The following PLCB1 variants were observed in gnomAD, a reference collection of about 807,000 sequenced individuals.
PLCB1 encodes 1-phosphatidylinositol 4,5-bisphosphate phosphodiesterase beta-1.
PLCB1 carries 46 observed loss-of-function variants against 161.8 expected under a neutral mutation model. That is an observed-to-expected ratio of 0.28 (90% CI 0.22 to 0.36). The LOEUF (loss-of-function observed/expected upper bound fraction) is 0.36, where lower values mean the gene tolerates loss of function less well. PLCB1 is among the 10% of genes least tolerant of loss of function. PLCB1 has a pLI of 1.00. For synonymous variants in PLCB1, 517 were observed against 503.7 expected (o/e 1.03, Z -0.35); for missense variants, 1,016 against 1,472.5 (o/e 0.69, Z 5.07).
chr20:8,330,381 G>T (rs1232579819), intron 2 of PLCB1, among the ~76,000 whole-genome samples: 1 of 152,178 alleles, frequency 6.6e-6, no homozygotes, highest in Admixed American at 6.5e-5. Flanking sequence ...CAGTCAGATT[G>T]CATATAAACA....
chr20:8,260,579 G>A (rs1193374540), intron 2 of PLCB1, among the ~76,000 whole-genome samples: 1 of 152,050 alleles, frequency 6.6e-6, no homozygotes, highest in Non-Finnish European at 1.5e-5. Flanking sequence ...CAGTGTGGGA[G>A]TATTCTTAGA....
chr20:8,569,107 C>T (rs1986427632), intron 3 of PLCB1, among the ~76,000 whole-genome samples: 1 of 152,218 alleles, frequency 6.6e-6, no homozygotes, highest in South Asian at 2.1e-4. Flanking sequence ...TTTCATTCAA[C>T]CACTGCTGCT....
At chr20:8,313,348 T>C (rs1362372501) in intron 2 of PLCB1, among the ~76,000 whole-genome samples, 1 of 152,164 alleles carries the variant, frequency 6.6e-6, no homozygotes, top group Non-Finnish European at 1.5e-5. Context: ...ACAATGAAGC[T>C]ACATGGTTCT....
At chr20:8,723,027 A>T (rs1979734284) in intron 15 of PLCB1, among the ~76,000 whole-genome samples, 1 of 152,134 alleles carries the variant, frequency 6.6e-6, no homozygotes, top group Admixed American at 6.6e-5. Context: ...TCTCTTTAAA[A>T]ATACGTATTT....
At chr20:8,136,069 C>T (rs1383782429) in intron 1 of PLCB1, among the ~76,000 whole-genome samples, 1 of 152,184 alleles carries the variant, frequency 6.6e-6, no homozygotes, top group Non-Finnish European at 1.5e-5. Context: ...CCTAAGCACT[C>T]TGTCTCACTG....
intron 31 of PLCB1, among the ~76,000 whole-genome samples, chr20:8,866,652 C>T (rs1220848144): frequency 1.3e-5 from 2 of 152,084 alleles, no homozygotes; most frequent in African/African-American, 2.4e-5. Context: ...GTTAGAAGAA[C>T]GGGTGTCTGC....
intron 3 of PLCB1, among the ~76,000 whole-genome samples, chr20:8,542,908 A>G (rs1327971261): frequency 6.6e-6 from 1 of 152,120 alleles, no homozygotes; most frequent in Admixed American, 6.5e-5. Flanking sequence ...AAAGTCATTC[A>G]CTCATGTATT....
chr20:8,629,887 T>C (rs199838091), intron 4 of PLCB1, among the ~76,000 whole-genome samples: 10,833 of 115,448 alleles, frequency 0.094, 422 homozygotes, highest in Non-Finnish European at 0.099. Flanking sequence ...CTCTCTCTCT[T>C]TCTTTTCTTT....
intron 2 of PLCB1, among the ~76,000 whole-genome samples, chr20:8,347,441 G>A (rs1000815686): frequency 6.6e-6 from 1 of 152,124 alleles, no homozygotes; most frequent in East Asian, 1.9e-4. Flanking sequence ...CAAACCAGAA[G>A]GCAGAAAAGG....
chr20:8,648,930 GACCCTGTCTCTAA>G (rs1283240732), intron 6 of PLCB1, among the ~76,000 whole-genome samples: 1 of 141,106 alleles, frequency 7.1e-6, no homozygotes, highest in East Asian at 2.0e-4. Flanking sequence ...AACAATGTGA[GACCCTGTCTCTAA>G]AAAAAAAAAA....
At chr20:8,264,814 G>A (rs897673698) in intron 2 of PLCB1, among the ~76,000 whole-genome samples, 1 of 152,066 alleles carries the variant, frequency 6.6e-6, no homozygotes, top group Admixed American at 6.6e-5. Context: ...TTTATTGGCA[G>A]CAAAGGATAT....
intron 31 of PLCB1, among the ~76,000 whole-genome samples, chr20:8,808,794 C>G (rs1984667164): frequency 6.6e-6 from 1 of 152,104 alleles, no homozygotes; most frequent in Non-Finnish European, 1.5e-5. Context: ...GAAGACAAAC[C>G]AGTGGTGAGC....
At chr20:8,775,853 A>G (rs2146205229) in intron 27 of PLCB1, among the ~76,000 whole-genome samples, 1 of 152,286 alleles carries the variant, frequency 6.6e-6, no homozygotes, top group South Asian at 2.1e-4. Flanking sequence ...CTGCTGCCCA[A>G]TACCTAAATG....
At chr20:8,307,062 T>C (rs1008769772) in intron 2 of PLCB1, among the ~76,000 whole-genome samples, 1 of 152,144 alleles carries the variant, frequency 6.6e-6, no homozygotes, top group African/African-American at 2.4e-5. Context: ...TCAGGTCTGG[T>C]GAGGGATGAT....
rs148282854 is a variant in PLCB1, at chr20:8,169,759, C to A, written c.177+19388C>A. ...TTTCGATGCCTGAATTCAGAGAGGA[C>A]AGGGTGCGTGGTGCATGTGGCCTAG... On this transcript the variant is annotated intron_variant, in intron 2 of 31. Coordinates refer to ENST00000338037, the MANE Select transcript of PLCB1 (RefSeq NM_015192.4). Among the ~76,000 whole-genome samples, 323 of 152,204 alleles carry A rather than the reference C, an allele frequency of 2.1e-3. 3 individuals are homozygous for A. The highest frequency in any genetic ancestry group is 0.017 in the Middle Eastern group (5 of 294).
chr20:8,279,887 G>T (rs143503186), intron 2 of PLCB1, among the ~76,000 whole-genome samples: 1 of 152,264 alleles, frequency 6.6e-6, no homozygotes, highest in East Asian at 1.9e-4. Context: ...TGCCCTAGAA[G>T]GCAGGTTAGT....
At chr20:8,270,578 T>C (rs2123262402) in intron 2 of PLCB1, among the ~76,000 whole-genome samples, 1 of 152,188 alleles carries the variant, frequency 6.6e-6, no homozygotes, top group South Asian at 2.1e-4. Context: ...GTGCTTAGAT[T>C]GATAGATAAG....
chr20:8,504,022 G>C (rs946034332), intron 3 of PLCB1, among the ~76,000 whole-genome samples: 2 of 152,076 alleles, frequency 1.3e-5, no homozygotes, highest in Non-Finnish European at 2.9e-5. Context: ...CATCCTTAGG[G>C]TTGAAGCAGA....
intron 26 of PLCB1, among the ~76,000 whole-genome samples, chr20:8,771,511 T>A (rs1364108811): frequency 2.0e-5 from 3 of 152,134 alleles, no homozygotes; most frequent in Non-Finnish European, 4.4e-5. Flanking sequence ...GGAAACTTGC[T>A]GACTCTTCCA....
Sources: gnomAD v4.1 joint callset for allele counts (sites outside exome capture counted in the v4.1 genomes callset) on GRCh38, gnomAD v4.1.1 for gene constraint, MANE v1.5 for transcripts, NCBI Gene and HGNC (gene_info 2026-07-23, HGNC 2026-07-21) for gene names.